Variants in ZNF619 observed in about 807,000 individuals in gnomAD.
ZNF619 encodes the protein zinc finger protein 619.
A neutral mutation model predicts 14.2 loss-of-function variants in ZNF619; 9 were observed. That is an observed-to-expected ratio of 0.64 (90% CI 0.38 to 1.11). The LOEUF (loss-of-function observed/expected upper bound fraction) is 1.11. Among genes scored for constraint, ZNF619 ranks in the 50% least tolerant of loss-of-function variants. ZNF619 has a pLI of 0.01. For synonymous variants in ZNF619, 246 were observed against 252.8 expected, an observed-to-expected ratio of 0.97 and a Z score of 0.26; for missense variants, 659 against 680.1, an observed-to-expected ratio of 0.97 and a Z score of 0.34.
In ZNF619 at chr3:40,487,664, C is replaced by G. The variant is rs139131960; in HGVS notation, c.1154C>G (p.Ser385Trp). The G allele has an allele frequency of 1.2e-6, 2 of 1,613,756 alleles. No individual in the cohort carries two copies. The highest frequency in any genetic ancestry group is 2.7e-5 in the African/African-American group (2 of 74,812). The change falls in exon 5 of 5, where the codon TCG (serine) becomes TGG (tryptophan). Residue 385 changes from serine (S) to tryptophan (W), a missense_variant. Physicochemically the swap from Ser to Trp is radical, Grantham distance 177 (BLOSUM62 -3). Transcript: ENST00000432264. ...KECGKAFHRS[S>W]VFLQHQRFHT... ...TGTGGCAAGGCCTTCCACCGCAGTT[C>G]GGTATTTCTTCAGCACCAGAGGTTC...
At position 40,486,861 on chromosome 3, in the gene ZNF619, A is replaced by T; in HGVS notation, c.351A>T (p.Lys117Asn). The part of the protein sequence containing the change: ...EEKTAQLNIS[K>N]ESESHRLIVE... The stretch of plus-strand genomic sequence containing the variant: ...AAACTGCACAGCTAAACATTTCTAA[A>T]GAATCAGAGTCCCACAGACTGATAG... The change falls in exon 5 of 5, where the codon AAA becomes AAT. Residue 117 changes from lysine to asparagine, a missense_variant. By Grantham distance (94) the Lys-to-Asn change is moderately conservative (BLOSUM62 0). Coordinates refer to ENST00000432264, the MANE Select transcript of ZNF619 (RefSeq NM_001145093.4). The T allele has an allele frequency of 6.2e-7, 1 of 1,612,552 alleles. No homozygotes were observed. Among genetic ancestry groups the T allele is most frequent in the Admixed American group, 1.7e-5 (1 of 59,562 alleles).
chr3:40,478,387 G>C (rs1697270663), intron 2 of ZNF619, among the ~76,000 whole-genome samples: 1 of 152,146 alleles, frequency 6.6e-6, no homozygotes, highest in Non-Finnish European at 1.5e-5. Flanking sequence ...AATTTGAGGA[G>C]TGCTAGTCTG....
At position 40,490,297 on chromosome 3, in the gene ZNF619, C is replaced by T. The variant is rs1697768233; in HGVS notation, c.*2056C>T. On this transcript the variant is annotated 3_prime_UTR_variant, in exon 5 of 5. Transcript: ENST00000432264. ...ATGTAACAAGACAGAATATTGATAG[C>T]CATAAGTAGGTTTGCTGCTCTGACA... is the stretch of plus-strand genomic sequence containing the variant. 1 of 152,144 alleles carries T rather than the reference C, an allele frequency of 6.6e-6. No homozygotes were observed. The highest frequency in any genetic ancestry group is 2.4e-5 in the African/African-American group (1 of 41,404). 9.4% of individuals were successfully genotyped at this position (152,144 alleles called of 1,614,324 possible). A position where few individuals can be genotyped will look rare whatever the true frequency, so the allele number is the denominator to read the frequency against.
In ZNF619 at chr3:40,488,311, T is replaced by C. The variant is rs1208823698; in HGVS notation, c.*70T>C. The C allele has an allele frequency of 1.0e-5, 8 of 771,040 alleles. No individual in the cohort carries two copies. Among genetic ancestry groups the C allele is most frequent in the Non-Finnish European group, 1.8e-5 (8 of 452,216 alleles). The allele number at this position is 771,040 out of a possible 1,614,324, so 47.8% of individuals were successfully genotyped here. ...TCCACTGGTCTCCTGATTGTGTCTA[T>C]TGATATTCCTCTGGTCTTGTCTTGT... On this transcript the variant is annotated 3_prime_UTR_variant, in exon 5 of 5. Transcript: ENST00000432264.
rs889014740 is a variant in ZNF619, at chr3:40,488,140, G to A, written c.1630G>A (p.Ala544Thr). 4 of 1,613,820 alleles carry A rather than the reference G, an allele frequency of 2.5e-6. No individual in the cohort carries two copies. In the African/African-American group the frequency reaches 4.0e-5, roughly 16 times the overall value. The change falls in exon 5 of 5, where the codon GCC (alanine) becomes ACC (threonine). Residue 544 changes from alanine (A) to threonine (T), a missense_variant. Coordinates refer to ENST00000432264, the MANE Select transcript of ZNF619 (RefSeq NM_001145093.4). ...CCTGCTGCTTCCCTCATCTGAAAAG[G>A]CCAACCCTTCACCTGTCCAAATAGC... ...FFLLLPSSEK[A>T]NPSPVQIAHF...
At chr3:40,481,069 A>G (rs757361059) in intron 2 of ZNF619, among the ~76,000 whole-genome samples, 3 of 152,268 alleles carry the variant, frequency 2.0e-5, no homozygotes, top group Non-Finnish European at 2.9e-5. Flanking sequence ...AATGGAAATA[A>G]TAATTCTTAT....
At chr3:40,478,530 T>C (rs1697276284) in intron 2 of ZNF619, among the ~76,000 whole-genome samples, 1 of 152,168 alleles carries the variant, frequency 6.6e-6, no homozygotes, top group African/African-American at 2.4e-5. Flanking sequence ...TGTAGATTGA[T>C]GAGGGAGATG....
In ZNF619 at chr3:40,490,644, A is replaced by G. The variant is rs1441493720; in HGVS notation, c.*2403A>G. Among the ~76,000 whole-genome samples the G allele has an allele frequency of 6.6e-6, 1 of 152,122 alleles. No homozygotes were observed. Among genetic ancestry groups the G allele is most frequent in the Non-Finnish European group, 1.5e-5 (1 of 68,030 alleles). On this transcript the variant is annotated 3_prime_UTR_variant, in exon 5 of 5. Transcript: ENST00000432264. ...AATGACAAGGATACAGACCTTTATG[A>G]TGATCCATATAATATAGTGAATTAT... is the stretch of plus-strand genomic sequence containing the variant.
At position 40,482,393 on chromosome 3, in the gene ZNF619, T is replaced by C. The variant is rs1311648324; in HGVS notation, c.179-195T>C. On this transcript the variant is annotated intron_variant, in intron 3 of 4. Coordinates refer to ENST00000432264, the MANE Select transcript of ZNF619 (RefSeq NM_001145093.4). ...TCGTGTACACACCCCCCAGTGACTC[T>C]GGGAGCATTCTGTCCTCTTAGAGGC... The C allele has an allele frequency of 4.5e-6, 7 of 1,561,662 alleles. 1 individual carries two copies. Among genetic ancestry groups the C allele is most frequent in the Middle Eastern group, 2.0e-4 (1 of 5,110 alleles).
chr3:40,487,723 T>G lies in ZNF619; in HGVS notation c.1213T>G (p.Cys405Gly). ...GGAACAACTCTACAAATGTAATGAATGTTGGAAAACTTTCAGCTGTAGCTC... is the reference window on the plus strand; with the variant it reads ...GGAACAACTCTACAAATGTAATGAAGGTTGGAAAACTTTCAGCTGTAGCTC... ...TGEQLYKCNE[C>G]WKTFSCSSRF... is the part of the protein sequence containing the mutation. Residue 405 changes from cysteine (C) to glycine (G), a missense_variant, in exon 5 of 5, where the codon TGT (cysteine) becomes GGT (glycine). By Grantham distance (159) the Cys-to-Gly change is radical. Transcript: ENST00000432264. 6.2e-7 allele frequency: 1 copy of G among 1,614,126 alleles called. No homozygotes were observed.
chr3:40,487,575 T>G lies in ZNF619; in HGVS notation c.1065T>G (p.Ser355=), dbSNP rs1195325578. The G allele has an allele frequency of 6.2e-7, 1 of 1,613,940 alleles. No homozygotes were observed. The change falls in exon 5 of 5, where the codon TCT becomes TCG. Residue 355 remains serine, a synonymous_variant. Transcript: ENST00000432264. ...ECKECGKSLS[S]NSVLIQHQRI... is the part of the protein sequence containing the mutation. Reference sequence around the variant, plus strand: ...AGGAGTGTGGGAAGAGTTTGAGTTCTAATTCAGTTCTGATTCAGCATCAGA... The same window carrying G: ...AGGAGTGTGGGAAGAGTTTGAGTTCGAATTCAGTTCTGATTCAGCATCAGA...
chr3:40,486,858 T>TGTGTCCC lies in ZNF619; in HGVS notation c.348_349insGTGTCCC (p.Lys117ValfsTer24). On this transcript the variant is annotated frameshift_variant, in exon 5 of 5. Coordinates refer to ENST00000432264, the MANE Select transcript of ZNF619 (RefSeq NM_001145093.4). LOFTEE classifies it low-confidence loss of function (END_TRUNC). Reference sequence around the variant, plus strand: ...AAAAAACTGCACAGCTAAACATTTCTAAAGAATCAGAGTCCCACAGACTGA... The same window carrying TGTGTCCC: ...AAAAAACTGCACAGCTAAACATTTCTGTGTCCCAAAGAATCAGAGTCCCACAGACTGA... The TGTGTCCC allele has an allele frequency of 5.0e-6, 8 of 1,612,486 alleles. No homozygotes were observed. Among genetic ancestry groups the TGTGTCCC allele is most frequent in the Non-Finnish European group, 6.8e-6 (8 of 1,179,580 alleles).
At position 40,490,108 on chromosome 3, in the gene ZNF619, C is replaced by G. The variant is rs1221780455; in HGVS notation, c.*1867C>G. 1.3e-5 allele frequency: 2 copies of G among 152,168 alleles called. No homozygotes were observed. The highest frequency in any genetic ancestry group is 2.4e-5 in the African/African-American group (1 of 41,440). The allele number at this position is 152,168 out of a possible 1,614,324, so 9.4% of individuals were successfully genotyped here. A position where few individuals can be genotyped will look rare whatever the true frequency, so the allele number is the denominator to read the frequency against. On this transcript the variant is annotated 3_prime_UTR_variant, in exon 5 of 5. Coordinates refer to ENST00000432264, the MANE Select transcript of ZNF619 (RefSeq NM_001145093.4). ...GAACTGGGACACATGCTTGCTCTGT[C>G]TTGCCTTTTGATGCCTCCTGCCATG...
rs1028218042 is a variant in ZNF619 at position 40,482,530 on chromosome 3, C to A, written c.179-58C>A. 29 of 1,577,044 alleles carry A rather than the reference C, an allele frequency of 1.8e-5. No individual in the cohort carries two copies. The East Asian group carries it at 6.3e-4, about 34-fold the overall frequency. ...TTCATCTGGCAAAGCAGAGTGTAGT[C>A]TGAGGGAGGTCAGTGTTGATTCTCC... On this transcript the variant is annotated intron_variant, in intron 3 of 4. Transcript: ENST00000432264.
intron 4 of ZNF619, among the ~76,000 whole-genome samples, chr3:40,484,075 GCCA>G (rs1339434999): frequency 6.6e-6 from 1 of 152,022 alleles, no homozygotes; most frequent in African/African-American, 2.4e-5. Flanking sequence ...ACAGGCGCCC[GCCA>G]CCACACCCGG....
At chr3:40,481,573 C>T (rs771687775) in intron 2 of ZNF619, among the ~76,000 whole-genome samples, 15 of 152,028 alleles carry the variant, frequency 9.9e-5, no homozygotes, top group African/African-American at 3.4e-4. Context: ...CTGCTGTGGT[C>T]GATTTAGAAA....
At position 40,482,718 on chromosome 3, in the gene ZNF619, C is replaced by G; in HGVS notation, c.295+14C>G. 6.3e-7 allele frequency: 1 copy of G among 1,575,386 alleles called. No individual in the cohort carries two copies. The highest frequency in any genetic ancestry group is 8.6e-7 in the Non-Finnish European group (1 of 1,159,282). On this transcript the variant is annotated intron_variant, in intron 4 of 4. Transcript: ENST00000432264. ...GCATGTGCACAGGTGAGCAGGAGAG[C>G]CTACCATCCTCCTTTCCAGCTTTGC...
rs1212896397 is a variant in ZNF619, at chr3:40,489,674, TG to T, written c.*1435del. 2 of 152,108 alleles carry T rather than the reference TG, an allele frequency of 1.3e-5. No individual in the cohort carries two copies. Among genetic ancestry groups the T allele is most frequent in the African/African-American group, 4.8e-5 (2 of 41,416 alleles). 9.4% of individuals were successfully genotyped at this position (152,108 alleles called of 1,614,324 possible). The stretch of plus-strand genomic sequence containing the variant: ...AGTAATCTCTAAAGCTGTACATGGA[TG>T]GAACTTGTTGGCATCACACTGGTGA... On this transcript the variant is annotated 3_prime_UTR_variant, in exon 5 of 5. Coordinates refer to ENST00000432264, the MANE Select transcript of ZNF619 (RefSeq NM_001145093.4).
In ZNF619 at chr3:40,481,983, A is replaced by G; in HGVS notation, c.145A>G (p.Met49Val). The change falls in exon 3 of 5, where the codon ATG becomes GTG. Residue 49 changes from methionine (M) to valine (V), a missense_variant. Physicochemically the swap from Met to Val is conservative, Grantham distance 21. Coordinates refer to ENST00000432264, the MANE Select transcript of ZNF619 (RefSeq NM_001145093.4). The part of the protein sequence containing the change: ...PTQRALYREV[M>V]LENYANVTSL... ...GCAGAGGGCCCTATACAGGGAGGTG[A>G]TGCTGGAGAATTATGCAAATGTGAC... 6.2e-7 allele frequency: 1 copy of G among 1,604,348 alleles called. No homozygotes were observed. The highest frequency in any genetic ancestry group is 8.5e-7 in the Non-Finnish European group (1 of 1,177,148).
Sources: gnomAD v4.1 joint callset for allele counts (sites outside exome capture counted in the v4.1 genomes callset) on GRCh38, gnomAD v4.1.1 for gene constraint, MANE v1.5 for transcripts, NCBI Gene and HGNC (gene_info 2026-07-23, HGNC 2026-07-21) for gene names.